The following ZNF423 variants were observed in gnomAD, a reference collection of about 807,000 sequenced individuals.
ZNF423 encodes zinc finger protein 423.
Under a neutral mutation model 95.8 loss-of-function variants are expected in ZNF423, and 12 were observed. The ratio of observed to expected loss-of-function variants is 0.13; its 90% confidence interval spans 0.08 to 0.20. ZNF423 has a LOEUF of 0.20. ZNF423 is among the 10% of genes least tolerant of loss of function. The probability of loss-of-function intolerance (pLI) is 1.00; values close to 1 mark genes in which losing one functional copy is unlikely to be tolerated. For missense variants in ZNF423, 1,316 were observed against 1,737.1 expected, an observed-to-expected ratio of 0.76 and a Z score of 4.31; for synonymous variants, 749 against 711.9, an observed-to-expected ratio of 1.05 and a Z score of -0.83.
intron 5 of ZNF423, among the ~76,000 whole-genome samples, chr16:49,552,897 A>T (rs1969694064): frequency 6.6e-6 from 1 of 151,820 alleles, no homozygotes; most frequent in Non-Finnish European, 1.5e-5. Context: ...GATGCAGAAG[A>T]GACCCGACCC....
intron 3 of ZNF423, among the ~76,000 whole-genome samples, chr16:49,686,529 G>T (rs947914948): frequency 6.6e-6 from 1 of 151,866 alleles, no homozygotes; most frequent in Non-Finnish European, 1.5e-5. Context: ...GCCTGCGTAC[G>T]CCCCACACGG....
intron 2 of ZNF423, among the ~76,000 whole-genome samples, chr16:49,749,914 A>G (rs932914456): frequency 1.3e-5 from 2 of 152,158 alleles, no homozygotes; most frequent in African/African-American, 4.8e-5. Context: ...GTGTCTCTGG[A>G]GGTGCAATTC....
At chr16:49,721,547 G>A (rs1354839983) in intron 3 of ZNF423, among the ~76,000 whole-genome samples, 1 of 152,146 alleles carries the variant, frequency 6.6e-6, no homozygotes, top group Non-Finnish European at 1.5e-5. Flanking sequence ...GAAGGTAACA[G>A]AAACCGGGGA....
chr16:49,832,848 G>C (rs1034084389), intron 1 of ZNF423, among the ~76,000 whole-genome samples: 1 of 151,940 alleles, frequency 6.6e-6, no homozygotes, highest in African/African-American at 2.4e-5. Flanking sequence ...AGCCTGAAAC[G>C]GGGACCTTGA....
At chr16:49,853,794 T>C in intron 1 of ZNF423, 1 of 985,352 alleles carries the variant, frequency 1.0e-6, no homozygotes, top group Non-Finnish European at 1.2e-6. Flanking sequence ...CACCCACCCA[T>C]CTGTTCACTG....
Position 49,783,054 on chromosome 16 carries a change from T to A in ZNF423, c.100+6433A>T, listed in dbSNP as rs74018935. 4.2e-3 allele frequency among the ~76,000 whole-genome samples: 631 copies of A among 151,912 alleles called. 4 individuals are homozygous for A. The highest frequency in any genetic ancestry group is 0.015 in the African/African-American group (601 of 41,424). On this transcript the variant is annotated intron_variant, in intron 2 of 7. Transcript: ENST00000563137. The stretch of plus-strand genomic sequence containing the variant: ...GAGGTAAATTTCCACATGGTCGTGT[T>A]GGTTCCCTGAAACCCCACATCATAG...
intron 5 of ZNF423, among the ~76,000 whole-genome samples, chr16:49,566,033 C>T (rs1281365801): frequency 1.3e-5 from 2 of 152,250 alleles, no homozygotes; most frequent in East Asian, 1.9e-4. Context: ...CATCCTTAAC[C>T]TGTCTTTGCA....
chr16:49,684,931 A>G (rs2031504926), intron 3 of ZNF423, among the ~76,000 whole-genome samples: 1 of 152,220 alleles, frequency 6.6e-6, no homozygotes, highest in South Asian at 2.1e-4. Flanking sequence ...CAATCTAGAC[A>G]GCGGGCGGAA....
At chr16:49,631,734 G>A (rs1483838253) in intron 4 of ZNF423, among the ~76,000 whole-genome samples, 4 of 152,230 alleles carry the variant, frequency 2.6e-5, no homozygotes, top group Non-Finnish European at 1.5e-5. Flanking sequence ...GCCAGCCAGA[G>A]CTGTTATATT....
intron 5 of ZNF423, among the ~76,000 whole-genome samples, chr16:49,571,555 G>T (rs1970355533): frequency 1.3e-5 from 2 of 152,174 alleles, no homozygotes; most frequent in South Asian, 4.1e-4. Context: ...GGATGGGGGT[G>T]TCTGACCACT....
At chr16:49,582,347 C>G (rs1010359481) in intron 5 of ZNF423, among the ~76,000 whole-genome samples, 1 of 152,250 alleles carries the variant, frequency 6.6e-6, no homozygotes, top group Non-Finnish European at 1.5e-5. Flanking sequence ...GTCACCTCTT[C>G]TCTGAAGCCC....
At chr16:49,724,385 T>G (rs907409994) in intron 3 of ZNF423, among the ~76,000 whole-genome samples, 1 of 152,162 alleles carries the variant, frequency 6.6e-6, no homozygotes, top group Non-Finnish European at 1.5e-5. Flanking sequence ...TTTTGCGCCA[T>G]GTGAAGTCAA....
chr16:49,719,741 C>T (rs1485885185), intron 3 of ZNF423, among the ~76,000 whole-genome samples: 1 of 152,218 alleles, frequency 6.6e-6, no homozygotes, highest in Non-Finnish European at 1.5e-5. Flanking sequence ...TTCCTGAGGC[C>T]TCCCAGCCAT....
intron 2 of ZNF423, among the ~76,000 whole-genome samples, chr16:49,787,244 G>A (rs564747369): frequency 3.3e-4 from 50 of 151,680 alleles, no homozygotes; most frequent in African/African-American, 1.1e-3. Context: ...AATTCCAATA[G>A]AACTGGGAAG....
At chr16:49,771,414 G>A (rs907827965) in intron 2 of ZNF423, among the ~76,000 whole-genome samples, 6 of 151,732 alleles carry the variant, frequency 4.0e-5, no homozygotes, top group Admixed American at 1.3e-4. Flanking sequence ...CATGGTGGCC[G>A]GGCTGGTCTT....
At chr16:49,552,525 G>A (rs775808928) in intron 5 of ZNF423, among the ~76,000 whole-genome samples, 7 of 152,158 alleles carry the variant, frequency 4.6e-5, no homozygotes, top group Non-Finnish European at 8.8e-5. Flanking sequence ...GTCAGAGATT[G>A]GAGATATTAA....
chr16:49,599,570 C>A (rs1352752298), intron 5 of ZNF423, among the ~76,000 whole-genome samples: 1 of 152,200 alleles, frequency 6.6e-6, no homozygotes, highest in Non-Finnish European at 1.5e-5. Context: ...ATGGGCTTAG[C>A]AGCACTGTGA....
At chr16:49,809,055 A>G (rs1466577927) in intron 1 of ZNF423, among the ~76,000 whole-genome samples, 8 of 152,230 alleles carry the variant, frequency 5.3e-5, no homozygotes, top group African/African-American at 9.6e-5. Context: ...CTCATCCCAT[A>G]GCCCTGCACG....
chr16:49,840,521 T>C (rs1031099607), intron 1 of ZNF423, among the ~76,000 whole-genome samples: 1 of 152,162 alleles, frequency 6.6e-6, no homozygotes, highest in Non-Finnish European at 1.5e-5. Flanking sequence ...TGAATGGATA[T>C]AAAGTAAATT....
Sources: allele counts gnomAD v4.1 joint callset (sites outside exome capture counted in the v4.1 genomes callset), GRCh38; gene constraint gnomAD v4.1.1; transcripts MANE v1.5; gene names NCBI Gene and HGNC (gene_info 2026-07-23, HGNC 2026-07-21).